The following ANKRD29 variants were observed in gnomAD, a reference collection of about 807,000 sequenced individuals.
ANKRD29 encodes ankyrin repeat domain-containing protein 29.
In ANKRD29, 32 loss-of-function variants were observed where a neutral mutation model predicts 38.0. The ratio of observed to expected loss-of-function variants is 0.84; its 90% CI spans 0.64 to 1.13. The LOEUF is 1.13. ANKRD29 is among the 50% of genes most tolerant of loss of function. The probability of loss-of-function intolerance (pLI) is 0.00; values close to 1 mark genes in which losing one functional copy is unlikely to be tolerated. For synonymous variants in ANKRD29, 135 were observed against 152.4 expected (o/e 0.89, Z 0.84); for missense variants, 357 against 377.9 (o/e 0.94, Z 0.46).
chr18:23,655,954 G>A (rs1350472404), intron 1 of ANKRD29, among the ~76,000 whole-genome samples: 12 of 150,376 alleles, frequency 8.0e-5, no homozygotes, highest in African/African-American at 2.7e-4. Flanking sequence ...TTAGCCGGGC[G>A]TAGTGGTGGG....
intron 3 of ANKRD29, 27 bp from the exon 4 acceptor site, chr18:23,638,974 A>G (rs780641010): frequency 6.6e-7 from 1 of 1,518,826 alleles, no homozygotes. Flanking sequence ...GGCTAGTTTT[A>G]AAAGACATTT....
chr18:23,639,017 A>T lies in ANKRD29; in HGVS notation c.232-70T>A, dbSNP rs1003733228. ...TTACATTTGATTTGAACATCTGCAA[A>T]GAAAACAAAACAATATCCTTGCATA... On this transcript the variant is annotated intron_variant, in intron 3 of 9. Coordinates refer to ENST00000592179, the MANE Select transcript of ANKRD29 (RefSeq NM_173505.4). 5 of 1,207,264 alleles carry T rather than the reference A, an allele frequency of 4.1e-6. No individual in the cohort carries two copies. In the African/African-American group the frequency reaches 7.7e-5, roughly 19 times the overall value. The allele number at this position is 1,207,264 out of a possible 1,614,324, so 74.8% of individuals were successfully genotyped here.
rs1261785861 is a variant in ANKRD29 at position 23,662,677 on chromosome 18, C to A, written c.21+33G>T. ...GCGGGCCCGGCCGCCCGAGCCCGGCCCCAGCCCTGACCCCGGAGTCCCGGT... is the reference window on the plus strand; with the variant it reads ...GCGGGCCCGGCCGCCCGAGCCCGGCACCAGCCCTGACCCCGGAGTCCCGGT... On this transcript the variant is annotated intron_variant, in intron 1 of 9. Coordinates refer to ENST00000592179, the MANE Select transcript of ANKRD29 (RefSeq NM_173505.4). 2.1e-6 allele frequency: 3 copies of A among 1,460,134 alleles called. No individual in the cohort carries two copies. In the African/African-American group the frequency reaches 4.5e-5, roughly 22 times the overall value. 90.4% of individuals were successfully genotyped at this position (1,460,134 alleles called of 1,614,324 possible).
At chr18:23,636,481 G>C (rs1453379046) in intron 4 of ANKRD29, among the ~76,000 whole-genome samples, 1 of 152,100 alleles carries the variant, frequency 6.6e-6, no homozygotes, top group Non-Finnish European at 1.5e-5. Flanking sequence ...GCCCAGGCTG[G>C]TCTCCAACTC....
chr18:23,628,001 A>G (rs530510256), intron 6 of ANKRD29, among the ~76,000 whole-genome samples: 7 of 152,246 alleles, frequency 4.6e-5, no homozygotes, highest in Non-Finnish European at 7.3e-5. Context: ...AATTCTAAAA[A>G]TATAACCTTA....
At chr18:23,617,946 C>A in intron 7 of ANKRD29, 119 bp from the exon 8 acceptor site, 2 of 713,426 alleles carry the variant, frequency 2.8e-6, no homozygotes, top group Non-Finnish European at 2.4e-6. Flanking sequence ...AAATTAAGCA[C>A]AGATCAGCAA....
At chr18:23,616,192 T>C (rs1337107536) in intron 8 of ANKRD29, among the ~76,000 whole-genome samples, 1 of 149,428 alleles carries the variant, frequency 6.7e-6, no homozygotes, top group African/African-American at 2.5e-5. Context: ...ATGTATATAA[T>C]ACATCCATAC....
chr18:23,658,435 T>A (rs2060312446), intron 1 of ANKRD29, among the ~76,000 whole-genome samples: 1 of 152,122 alleles, frequency 6.6e-6, no homozygotes, highest in Admixed American at 6.6e-5. Context: ...AAAAAACTTG[T>A]GTGATTTCAC....
rs546175055 is a variant in ANKRD29, at chr18:23,642,185, C to T, written c.232-3238G>A. 4.6e-5 allele frequency among the ~76,000 whole-genome samples: 7 copies of T among 151,998 alleles called. No homozygotes were observed. The East Asian group carries it at 1.2e-3, about 25-fold the overall frequency. ...AAGAATTTAGGACCTGGCGAATGAC[C>T]CTGTTTATAACACAAACAGGGCTGA... On this transcript the variant is annotated intron_variant, in intron 3 of 9. Transcript: ENST00000592179.
At chr18:23,630,005 A>C (rs2059909363) in intron 5 of ANKRD29, 54 bp from the exon 6 acceptor site, 1 of 1,496,908 alleles carries the variant, frequency 6.7e-7, no homozygotes. Context: ...CACTTATTTT[A>C]AAAGAAATTA....
intron 6 of ANKRD29, among the ~76,000 whole-genome samples, chr18:23,625,709 A>C (rs2059853953): frequency 6.6e-6 from 1 of 152,188 alleles, no homozygotes; most frequent in African/African-American, 2.4e-5. Context: ...GTCCTAAAAT[A>C]CTGAGACTCA....
chr18:23,628,582 C>T (rs1228452339), intron 6 of ANKRD29, among the ~76,000 whole-genome samples: 1 of 152,060 alleles, frequency 6.6e-6, no homozygotes, highest in Non-Finnish European at 1.5e-5. Context: ...ACACTTGTAA[C>T]CCCAGCACTT....
At chr18:23,614,654 C>T (rs1288281617) in intron 8 of ANKRD29, among the ~76,000 whole-genome samples, 2 of 142,410 alleles carry the variant, frequency 1.4e-5, no homozygotes, top group African/African-American at 2.6e-5. Flanking sequence ...GGCAACATAG[C>T]GAGACCCTGT....
At chr18:23,645,286 G>A (rs1370649131) in intron 3 of ANKRD29, among the ~76,000 whole-genome samples, 1 of 152,174 alleles carries the variant, frequency 6.6e-6, no homozygotes, top group Non-Finnish European at 1.5e-5. Flanking sequence ...TCAGAATTGA[G>A]CCCCAAAGTA....
At chr18:23,636,815 C>T (rs1350774515) in intron 4 of ANKRD29, among the ~76,000 whole-genome samples, 3 of 152,232 alleles carry the variant, frequency 2.0e-5, no homozygotes, top group South Asian at 4.1e-4. Flanking sequence ...CTCAAGCGAT[C>T]TGCCTGCCTC....
chr18:23,605,717 G>A (rs971772959), intron 9 of ANKRD29, among the ~76,000 whole-genome samples: 1 of 151,810 alleles, frequency 6.6e-6, no homozygotes, highest in Non-Finnish European at 1.5e-5. Context: ...AGTAGAGACG[G>A]GGTTTCACCA....
At position 23,620,103 on chromosome 18, in the gene ANKRD29, T is replaced by G. The variant is rs535396224; in HGVS notation, c.529-474A>C. Among the ~76,000 whole-genome samples, 4 of 152,190 alleles carry G rather than the reference T, an allele frequency of 2.6e-5. No homozygotes were observed. In the East Asian group the frequency reaches 7.7e-4, roughly 29 times the overall value. On this transcript the variant is annotated intron_variant, in intron 6 of 9. Transcript: ENST00000592179. ...TTCCCAGTGGGTCACACCTTAATGT[T>G]CACAAAATACACCCTTCATTCCCAT...
intron 6 of ANKRD29, among the ~76,000 whole-genome samples, chr18:23,628,786 A>T (rs1158516433): frequency 6.6e-6 from 1 of 151,456 alleles, no homozygotes. Flanking sequence ...ATGGGTCGAG[A>T]TCATGCCACC....
chr18:23,607,415 C>T (rs2059587395), intron 9 of ANKRD29, among the ~76,000 whole-genome samples: 2 of 152,188 alleles, frequency 1.3e-5, no homozygotes, highest in African/African-American at 2.4e-5. Context: ...ACATCAGTGG[C>T]TGGTCCATGG....
Sources: allele counts gnomAD v4.1 joint callset (sites outside exome capture counted in the v4.1 genomes callset), GRCh38; gene constraint gnomAD v4.1.1; transcripts MANE v1.5; gene names NCBI Gene and HGNC (gene_info 2026-07-23, HGNC 2026-07-21).